TMEM178B: variants seen among roughly 807,000 people sequenced by gnomAD.
TMEM178B encodes transmembrane protein 178B.
In TMEM178B, 5 loss-of-function variants were observed where a neutral mutation model predicts 31.0. The observed-to-expected ratio is 0.16, with a 90% CI of 0.08 to 0.34. The LOEUF (loss-of-function observed/expected upper bound fraction) is 0.34, where lower values mean the gene tolerates loss of function less well. TMEM178B is among the 10% of genes least tolerant of loss of function. TMEM178B has a pLI of 1.00. For missense variants in TMEM178B, 275 were observed against 400.3 expected (o/e 0.69, Z 2.67); for synonymous variants, 164 against 164.0 (o/e 1.00, Z 0.00).
intron 2 of TMEM178B, among the ~76,000 whole-genome samples, chr7:141,363,544 A>G (rs1287501164): frequency 1.3e-5 from 2 of 152,110 alleles, no homozygotes; most frequent in Non-Finnish European, 2.9e-5. Flanking sequence ...CTTGAACGCA[A>G]TTCTCTGATT....
chr7:141,330,864 G>A (rs1021120761), intron 2 of TMEM178B, among the ~76,000 whole-genome samples: 3 of 152,174 alleles, frequency 2.0e-5, no homozygotes, highest in Admixed American at 1.3e-4. Context: ...AAGGGATGAC[G>A]GGCTTTGACC....
intron 2 of TMEM178B, among the ~76,000 whole-genome samples, chr7:141,237,998 TG>T (rs1797556914): frequency 7.1e-6 from 1 of 141,618 alleles, no homozygotes; most frequent in Non-Finnish European, 1.5e-5. Flanking sequence ...CACTCCAGCC[TG>T]GGTGACAGAG....
chr7:141,116,722 T>C (rs997484963), intron 1 of TMEM178B, among the ~76,000 whole-genome samples: 1 of 152,084 alleles, frequency 6.6e-6, no homozygotes, highest in Non-Finnish European at 1.5e-5. Context: ...TGTGTCCATG[T>C]GTTCTCATTG....
Position 141,188,146 on chromosome 7 carries a change from A to T in TMEM178B, c.383-24445A>T, listed in dbSNP as rs115762398. On this transcript the variant is annotated intron_variant, in intron 1 of 3. Coordinates refer to ENST00000565468, the MANE Select transcript of TMEM178B (RefSeq NM_001195278.2). ...AAGGTGTAAGCAAGGGATGTTTTTA[A>T]AGTGACTTTCAGTATATCAATCTCT... Among the ~76,000 whole-genome samples the T allele has an allele frequency of 4.7e-3, 715 of 152,270 alleles. 5 individuals carry two copies. Among genetic ancestry groups the T allele is most frequent in the African/African-American group, 0.016 (676 of 41,552 alleles).
chr7:141,317,449 A>C (rs1211254299), intron 2 of TMEM178B, among the ~76,000 whole-genome samples: 1 of 152,220 alleles, frequency 6.6e-6, no homozygotes, highest in Non-Finnish European at 1.5e-5. Context: ...ATGAGCAAGC[A>C]AGAAGGTCAG....
chr7:141,392,539 G>A (rs546092409), intron 2 of TMEM178B, among the ~76,000 whole-genome samples: 1 of 152,166 alleles, frequency 6.6e-6, no homozygotes, highest in East Asian at 1.9e-4. Context: ...TACCTACATA[G>A]CCACATTGCC....
chr7:141,493,003 G>A, the TMEM178B span, among the ~76,000 whole-genome samples: 3 of 152,144 alleles, frequency 2.0e-5, no homozygotes, highest in African/African-American at 2.4e-5. Flanking sequence ...GGGAAAAGAG[G>A]GAAATGTAAT....
intron 2 of TMEM178B, among the ~76,000 whole-genome samples, chr7:141,297,772 T>C (rs1039239364): frequency 2.6e-5 from 4 of 152,198 alleles, no homozygotes; most frequent in Admixed American, 6.5e-5. Context: ...GACATTTGGG[T>C]TGGTTCCAAG....
At chr7:141,419,549 A>G (rs1314473472) in intron 2 of TMEM178B, among the ~76,000 whole-genome samples, 1 of 152,074 alleles carries the variant, frequency 6.6e-6, no homozygotes. Flanking sequence ...TCAGAACTCT[A>G]CTCTGCAGCC....
intron 2 of TMEM178B, among the ~76,000 whole-genome samples, chr7:141,220,160 A>G: frequency 6.6e-6 from 1 of 151,650 alleles, no homozygotes; most frequent in Non-Finnish European, 1.5e-5. Context: ...TTTACTAAAA[A>G]TACAAAAATT....
intron 2 of TMEM178B, among the ~76,000 whole-genome samples, chr7:141,367,869 C>A (rs1054312560): frequency 6.6e-6 from 1 of 151,864 alleles, no homozygotes; most frequent in Non-Finnish European, 1.5e-5. Context: ...GAGGAAAGCA[C>A]GAATGCAAAG....
chr7:141,180,334 C>T (rs1440224707), intron 1 of TMEM178B, among the ~76,000 whole-genome samples: 2 of 151,852 alleles, frequency 1.3e-5, no homozygotes, highest in Admixed American at 6.6e-5. Flanking sequence ...GAGGCGGGCA[C>T]TGTAAATCCT....
Position 141,429,308 on chromosome 7 carries a change from TACACACACACAC to T in TMEM178B, c.497-8279_497-8268del, listed in dbSNP as rs3039921. Among the ~76,000 whole-genome samples, 583 of 149,740 alleles carry T rather than the reference TACACACACACAC, an allele frequency of 3.9e-3. 2 individuals are homozygous for T. The highest frequency in any genetic ancestry group is 5.6e-3 in the Non-Finnish European group (377 of 67,302). ...GGATGAATGGATAAAGAAAATGTAA[TACACACACACAC>T]ACACACACACACACACACACTCATA... On this transcript the variant is annotated intron_variant, in intron 2 of 3. Coordinates refer to ENST00000565468, the MANE Select transcript of TMEM178B (RefSeq NM_001195278.2).
chr7:141,211,565 C>T (rs756002300), intron 1 of TMEM178B, among the ~76,000 whole-genome samples: 2 of 152,124 alleles, frequency 1.3e-5, no homozygotes, highest in African/African-American at 2.4e-5. Flanking sequence ...TTAAAAATCA[C>T]CCCTTTCCTG....
At chr7:141,219,973 G>T (rs919464649) in intron 2 of TMEM178B, among the ~76,000 whole-genome samples, 4 of 152,056 alleles carry the variant, frequency 2.6e-5, no homozygotes, top group African/African-American at 9.7e-5. Context: ...CAGGAGGCCT[G>T]CCCCAAGGAA....
intron 1 of TMEM178B, among the ~76,000 whole-genome samples, chr7:141,198,721 C>T (rs1347615143): frequency 6.6e-6 from 1 of 152,188 alleles, no homozygotes. Context: ...AAAGCATGAG[C>T]TCATTGTTTT....
intron 1 of TMEM178B, among the ~76,000 whole-genome samples, chr7:141,201,684 G>A (rs1454244349): frequency 1.3e-5 from 2 of 152,170 alleles, no homozygotes; most frequent in African/African-American, 4.8e-5. Flanking sequence ...GAATGTAGCT[G>A]AGACTTAAGA....
chr7:141,345,328 G>A (rs751805085), intron 2 of TMEM178B, among the ~76,000 whole-genome samples: 2 of 152,160 alleles, frequency 1.3e-5, no homozygotes, highest in Non-Finnish European at 2.9e-5. Context: ...AATCATTTAG[G>A]CAAACAACTC....
chr7:141,155,872 C>A (rs1040858561), intron 1 of TMEM178B, among the ~76,000 whole-genome samples: 2 of 152,114 alleles, frequency 1.3e-5, no homozygotes, highest in Non-Finnish European at 2.9e-5. Flanking sequence ...CGAGACCAGC[C>A]TGGCCAAGAT....
Sources: allele counts gnomAD v4.1 joint callset (sites outside exome capture counted in the v4.1 genomes callset), GRCh38; gene constraint gnomAD v4.1.1; transcripts MANE v1.5; gene names NCBI Gene and HGNC (gene_info 2026-07-23, HGNC 2026-07-21).